Variants in RAI1 observed in about 807,000 individuals in gnomAD.
RAI1 encodes retinoic acid-induced protein 1.
RAI1 carries 9 observed loss-of-function variants against 123.8 expected under a neutral mutation model. That is an observed-to-expected ratio of 0.07 (90% confidence interval 0.04 to 0.13). RAI1 has a LOEUF of 0.13. Ranked by LOEUF, RAI1 falls within the 10% of genes least tolerant of loss-of-function variation. The pLI is 1.00. For missense variants in RAI1, 2,256 were observed against 2,545.8 expected, an observed-to-expected ratio of 0.89 and a Z score of 2.45; for synonymous variants, 1,231 against 1,127.3, an observed-to-expected ratio of 1.09 and a Z score of -1.84.
At position 17,796,120 on chromosome 17, in the gene RAI1, C is replaced by T; in HGVS notation, c.3172C>T (p.Arg1058Cys). 2 of 1,583,542 alleles carry T rather than the reference C, an allele frequency of 1.3e-6. No individual in the cohort carries two copies. The highest frequency in any genetic ancestry group is 1.7e-6 in the Non-Finnish European group (2 of 1,164,520). ...GGAAGGGCTCCCCAGGATGTGTACT[C>T]GTTCTCTCACGGCCCTGAGTGAGCC... Reference protein sequence around the residue: ...ASEGLPRMCTRSLTALSEPRT... With the variant: ...ASEGLPRMCTCSLTALSEPRT... Residue 1058 changes from arginine (R) to cysteine (C), a missense_variant, in exon 3 of 6, where the codon CGT becomes TGT. Physicochemically the swap from Arg to Cys is radical, Grantham distance 180. Coordinates refer to ENST00000353383, the MANE Select transcript of RAI1 (RefSeq NM_030665.4). The surrounding 1 kb of genome is among the most constrained non-coding windows in gnomAD (Gnocchi z 5.8).
rs527879973 is a variant in RAI1 at position 17,706,131 on chromosome 17, T to A, written c.-148-17897T>A. 4.0e-5 allele frequency among the ~76,000 whole-genome samples: 6 copies of A among 151,756 alleles called. 1 individual carries two copies. The South Asian group carries it at 8.3e-4, about 21-fold the overall frequency. On this transcript the variant is annotated intron_variant, in intron 1 of 5. Coordinates refer to ENST00000353383, the MANE Select transcript of RAI1 (RefSeq NM_030665.4). ...AGGCCAGCAGGGAGCTATGGATCATTCTGCAGAGCCACGGTGCTTGCCCAG... is the reference window on the plus strand; with the variant it reads ...AGGCCAGCAGGGAGCTATGGATCATACTGCAGAGCCACGGTGCTTGCCCAG...
intron 4 of RAI1, among the ~76,000 whole-genome samples, chr17:17,807,866 CTAGCTGCTGGCCCTGAA>C (rs2032625301): frequency 6.6e-6 from 1 of 152,246 alleles, no homozygotes; most frequent in South Asian, 2.1e-4. Context: ...TGGCACATCT[CTAGCTGCTGGCCCTGAA>C]TGGCAGTTTC....
intron 2 of RAI1, among the ~76,000 whole-genome samples, chr17:17,738,649 T>C (rs113172769): frequency 6.6e-6 from 1 of 152,178 alleles, no homozygotes; most frequent in African/African-American, 2.4e-5. Flanking sequence ...GGTGCTGGGG[T>C]AAACGTAGCA....
chr17:17,806,614 C>A (rs897154349), intron 4 of RAI1, among the ~76,000 whole-genome samples: 1 of 152,218 alleles, frequency 6.6e-6, no homozygotes, highest in South Asian at 2.1e-4. Flanking sequence ...CTCAAAAGGG[C>A]GTGAGTTGGC....
At position 17,809,261 on chromosome 17, in the gene RAI1, T is replaced by C; in HGVS notation, c.5660-129T>C. The C allele has an allele frequency of 1.2e-6, 1 of 833,082 alleles. No homozygotes were observed. The highest frequency in any genetic ancestry group is 1.7e-5 in the Admixed American group (1 of 57,760). The allele number at this position is 833,082 out of a possible 1,614,324, so 51.6% of individuals were successfully genotyped here. On this transcript the variant is annotated intron_variant, in intron 4 of 5. Coordinates refer to ENST00000353383, the MANE Select transcript of RAI1 (RefSeq NM_030665.4). This position sits in a 1 kb window ranked among gnomAD's most constrained non-coding sequence, Gnocchi z 4.9. ...GGGTTTTGTGCAGAATCTGATTAAC[T>C]CTTTGAAAAGAGCCCCTGCAGTCTG...
At chr17:17,710,846 C>A (rs1025711595) in intron 1 of RAI1, among the ~76,000 whole-genome samples, 31 of 152,248 alleles carry the variant, frequency 2.0e-4, no homozygotes, top group Non-Finnish European at 1.2e-4. Context: ...GGGCCGTCTT[C>A]TTGCCCAAGG....
Position 17,797,747 on chromosome 17 carries a change from G to A in RAI1, c.4799G>A (p.Arg1600Gln), listed in dbSNP as rs777595066. The change falls in exon 3 of 6, where the codon CGG becomes CAG. Residue 1600 changes from arginine (R) to glutamine (Q), a missense_variant. By Grantham distance (43) the Arg-to-Gln change is conservative (BLOSUM62 1). Transcript: ENST00000353383. The stretch of plus-strand genomic sequence containing the variant: ...ACCCCCGCCTTCTCACCCTTCGTGC[G>A]GGTGGAGAAGCGAGACGCGTTCACC... ...SRTPAFSPFVRVEKRDAFTTI... is the reference protein window; with the variant it reads ...SRTPAFSPFVQVEKRDAFTTI... 29 of 1,613,858 alleles carry A rather than the reference G, an allele frequency of 1.8e-5. No individual in the cohort carries two copies. The highest frequency in any genetic ancestry group is 1.6e-4 in the Middle Eastern group (1 of 6,084).
rs556482498 is a variant in RAI1 at position 17,809,654 on chromosome 17, G to A, written c.5709+215G>A. ...TGCGCGCCGCCGCCGCCGAAAACCC[G>A]CAGGCGTCGGGGCATGGGCAGCCAG... On this transcript the variant is annotated intron_variant, in intron 5 of 5. Coordinates refer to ENST00000353383, the MANE Select transcript of RAI1 (RefSeq NM_030665.4). The surrounding 1 kb of genome is among the most constrained non-coding windows in gnomAD (Gnocchi z 4.9). Among the ~76,000 whole-genome samples the A allele has an allele frequency of 1.8e-4, 27 of 152,218 alleles. No homozygotes were observed. The highest frequency in any genetic ancestry group is 6.5e-4 in the African/African-American group (27 of 41,562).
intron 2 of RAI1, among the ~76,000 whole-genome samples, chr17:17,763,946 C>T (rs940139146): frequency 1.3e-5 from 2 of 152,240 alleles, no homozygotes; most frequent in East Asian, 1.9e-4. Flanking sequence ...GGGCTATTTT[C>T]GTGGCACAGA....
rs140447784 is a variant in RAI1, at chr17:17,809,213, CGTGGA to C, written c.5660-163_5660-159del. 7 of 719,644 alleles carry C rather than the reference CGTGGA, an allele frequency of 9.7e-6. No homozygotes were observed. Among genetic ancestry groups the C allele is most frequent in the South Asian group, 1.5e-5 (1 of 66,802 alleles). 44.6% of individuals were successfully genotyped at this position (719,644 alleles called of 1,614,324 possible). A position where few individuals can be genotyped will look rare whatever the true frequency, so the allele number is the denominator to read the frequency against. On this transcript the variant is annotated intron_variant, in intron 4 of 5. Coordinates refer to ENST00000353383, the MANE Select transcript of RAI1 (RefSeq NM_030665.4). The surrounding 1 kb of genome is among the most constrained non-coding windows in gnomAD (Gnocchi z 4.9). ...GCCAGGCCAGGGGCCGCACCCGCGC[CGTGGA>C]GTGGAGTGGAGTGTGGAGGGTTTTG...
intron 2 of RAI1, among the ~76,000 whole-genome samples, chr17:17,756,789 A>G (rs900384487): frequency 6.6e-5 from 10 of 152,214 alleles, no homozygotes; most frequent in Non-Finnish European, 1.2e-4. Flanking sequence ...GTTCGTCGGT[A>G]ACGAGGCAGG....
chr17:17,699,908 C>T (rs1264958765), intron 1 of RAI1, among the ~76,000 whole-genome samples: 3 of 152,138 alleles, frequency 2.0e-5, no homozygotes, highest in Non-Finnish European at 2.9e-5. Context: ...GCCAGACTGT[C>T]GAGGTTCAAA....
chr17:17,780,098 C>T (rs1268010192), intron 2 of RAI1, among the ~76,000 whole-genome samples: 36 of 58,226 alleles, frequency 6.2e-4, no homozygotes, highest in Middle Eastern at 0.013. Context: ...AAGAGTTTTA[C>T]TCTTGTCCCC....
At position 17,794,353 on chromosome 17, in the gene RAI1, G is replaced by A. The variant is rs1358686711; in HGVS notation, c.1405G>A (p.Val469Met). ...GCAGAAGAAAGGTGTCAAGAACCTC[G>A]TGTCCAGGACCCCAGAGCAGCATAA... ...VPQKKGVKNL[V>M]SRTPEQHKSQ... The change falls in exon 3 of 6, where the codon GTG (valine) becomes ATG (methionine). Residue 469 changes from valine to methionine, a missense_variant. Physicochemically the swap from Val to Met is conservative, Grantham distance 21. Around this residue, in one of 7 missense-constraint regions of RAI1, gnomAD observed 357 missense variants for 480.2 expected, o/e 0.74. Coordinates refer to ENST00000353383, the MANE Select transcript of RAI1 (RefSeq NM_030665.4). 3.1e-6 allele frequency: 5 copies of A among 1,613,116 alleles called. No individual in the cohort carries two copies. The highest frequency in any genetic ancestry group is 1.7e-5 in the Admixed American group (1 of 60,016).
chr17:17,799,068 C>A lies in RAI1; in HGVS notation c.5565+555C>A, dbSNP rs2032371013. 6.6e-6 allele frequency among the ~76,000 whole-genome samples: 1 copy of A among 152,204 alleles called. No homozygotes were observed. The highest frequency in any genetic ancestry group is 1.5e-5 in the Non-Finnish European group (1 of 68,032). On this transcript the variant is annotated intron_variant, in intron 3 of 5. Transcript: ENST00000353383. This position sits in a 1 kb window ranked among gnomAD's most constrained non-coding sequence, Gnocchi z 4.5. ...AGTCCATGGGGTCACACAGTCACAA[C>A]AGGCAGGGCGGGGCAGATCCAGACC...
chr17:17,766,064 A>T (rs1042187974), intron 2 of RAI1: 2 of 152,306 alleles, frequency 1.3e-5, no homozygotes, highest in East Asian at 1.9e-4. Context: ...CCAGCCCCTG[A>T]GCAGCCAGGC....
chr17:17,784,625 T>TAC (rs1332291229), intron 2 of RAI1, among the ~76,000 whole-genome samples: 1 of 150,814 alleles, frequency 6.6e-6, no homozygotes. Flanking sequence ...AGAGGGGGGG[T>TAC]GTAGGCAGCA....
intron 2 of RAI1, among the ~76,000 whole-genome samples, chr17:17,750,164 G>T (rs993610669): frequency 3.3e-5 from 5 of 152,234 alleles, no homozygotes; most frequent in African/African-American, 1.2e-4. Context: ...AAGGAAGGCT[G>T]GGAAATGTAG....
At chr17:17,777,742 G>A (rs2031400584) in intron 2 of RAI1, 1 of 152,274 alleles carries the variant, frequency 6.6e-6, no homozygotes, top group African/African-American at 2.4e-5. Flanking sequence ...TTCCCACTGT[G>A]CCAGTGGGGA....
Sources: gnomAD v4.1 joint callset for allele counts (sites outside exome capture counted in the v4.1 genomes callset) on GRCh38, gnomAD v4.1.1 for gene constraint, gnomAD v4.1.1 regional missense constraint, Gnocchi (gnomAD v3.1) non-coding constraint, MANE v1.5 for transcripts, NCBI Gene and HGNC (gene_info 2026-07-23, HGNC 2026-07-21) for gene names.